PTDSS1: variants seen among roughly 807,000 people sequenced by gnomAD.
The protein encoded by PTDSS1 is phosphatidylserine synthase 1, also known as PSS-1.
PTDSS1 carries 45 observed loss-of-function variants against 70.5 expected under a neutral mutation model. The observed-to-expected ratio is 0.64, with a 90% CI of 0.50 to 0.82. PTDSS1 has a LOEUF of 0.82. PTDSS1 is among the 40% of genes least tolerant of loss of function. The pLI is 0.00. For missense variants in PTDSS1, 417 were observed against 586.1 expected (o/e 0.71, Z 2.98); for synonymous variants, 188 against 203.8 (o/e 0.92, Z 0.66).
chr8:96,279,172 G>T (rs1810696435), intron 2 of PTDSS1, among the ~76,000 whole-genome samples: 1 of 150,950 alleles, frequency 6.6e-6, no homozygotes, highest in Admixed American at 6.6e-5. Flanking sequence ...GTAGAGACAG[G>T]ATTTCACTAT....
At chr8:96,330,414 C>A in intron 11 of PTDSS1, 133 bp downstream of exon 11, 1 of 806,120 alleles carries the variant, frequency 1.2e-6, no homozygotes, top group East Asian at 2.7e-5. Flanking sequence ...CCTGCCACTG[C>A]AGAAACCGCA....
intron 2 of PTDSS1, among the ~76,000 whole-genome samples, chr8:96,276,851 A>G (rs1419593110): frequency 2.0e-5 from 3 of 152,066 alleles, no homozygotes; most frequent in African/African-American, 2.4e-5. Flanking sequence ...TCTGTTGCTC[A>G]TGTGTTGTCT....
intron 10 of PTDSS1, among the ~76,000 whole-genome samples, chr8:96,321,153 A>G (rs953267412): frequency 2.0e-5 from 3 of 152,224 alleles, no homozygotes; most frequent in African/African-American, 7.2e-5. Context: ...ATCATCGGTT[A>G]TCAACTCAGG....
At chr8:96,329,918 G>T (rs772425388) in intron 10 of PTDSS1, among the ~76,000 whole-genome samples, 2 of 152,162 alleles carry the variant, frequency 1.3e-5, no homozygotes, top group Admixed American at 6.5e-5. Context: ...AACAGAACCC[G>T]CAAAGCTATC....
At chr8:96,273,618 A>C (rs918506562) in intron 2 of PTDSS1, among the ~76,000 whole-genome samples, 1 of 152,252 alleles carries the variant, frequency 6.6e-6, no homozygotes, top group African/African-American at 2.4e-5. Flanking sequence ...TGGAGAGAGC[A>C]GACAGGTACG....
chr8:96,313,548 A>G (rs1811242113), intron 9 of PTDSS1, among the ~76,000 whole-genome samples: 1 of 152,230 alleles, frequency 6.6e-6, no homozygotes, highest in African/African-American at 2.4e-5. Context: ...GCAGTGTTTT[A>G]TCGCCTGGTC....
intron 4 of PTDSS1, among the ~76,000 whole-genome samples, chr8:96,290,206 G>A (rs1437332555): frequency 2.6e-5 from 4 of 152,278 alleles, no homozygotes; most frequent in South Asian, 2.1e-4. Flanking sequence ...AAAAATAAGT[G>A]CTTTGATGCT....
chr8:96,287,300 T>C (rs988738946), intron 4 of PTDSS1, 154 bp downstream of exon 4: 8 of 1,006,004 alleles, frequency 8.0e-6, no homozygotes, highest in African/African-American at 1.6e-5. Flanking sequence ...AGTTGCATGG[T>C]TGTCCACAGG....
intron 9 of PTDSS1, among the ~76,000 whole-genome samples, chr8:96,318,212 C>T (rs1811323184): frequency 6.6e-6 from 1 of 151,980 alleles, no homozygotes; most frequent in Admixed American, 6.6e-5. Flanking sequence ...GTAGTCCCAG[C>T]TACTCGGGAG....
At chr8:96,332,308 G>C (rs913596573) in intron 12 of PTDSS1, among the ~76,000 whole-genome samples, 1 of 152,174 alleles carries the variant, frequency 6.6e-6, no homozygotes, top group Non-Finnish European at 1.5e-5. Context: ...CTTGGCTGAA[G>C]AAAGAAAATT....
chr8:96,287,002 C>G lies in PTDSS1; in HGVS notation c.317-20C>G, dbSNP rs924289015. ...CTATTGGATCTCTTCTAAACTTCAGCATGTTTTTGTTTCTCTCAGGACTCA... is the reference window on the plus strand; with the variant it reads ...CTATTGGATCTCTTCTAAACTTCAGGATGTTTTTGTTTCTCTCAGGACTCA... On this transcript the variant is annotated intron_variant, in intron 3 of 12. Transcript: ENST00000517309. 6 of 1,613,412 alleles carry G rather than the reference C, an allele frequency of 3.7e-6. No homozygotes were observed. Among genetic ancestry groups the G allele is most frequent in the Non-Finnish European group, 5.1e-6 (6 of 1,179,582 alleles).
intron 1 of PTDSS1, among the ~76,000 whole-genome samples, chr8:96,269,342 C>A (rs1450920067): frequency 6.6e-6 from 1 of 152,210 alleles, no homozygotes; most frequent in Non-Finnish European, 1.5e-5. Flanking sequence ...AACTGTGGAA[C>A]TGTTAAATAA....
At position 96,334,027 on chromosome 8, in the gene PTDSS1, G is replaced by A; in HGVS notation, c.*461G>A. 2.3e-6 allele frequency: 1 copy of A among 434,320 alleles called. No individual in the cohort carries two copies. The highest frequency in any genetic ancestry group is 4.1e-6 in the Non-Finnish European group (1 of 245,878). 26.9% of individuals were successfully genotyped at this position (434,320 alleles called of 1,614,324 possible). ...TGATTTAAGTTCAGGCCACTTTTCT[G>A]TCTTTTATTTGGTTACTGTTGTTAT... On this transcript the variant is annotated 3_prime_UTR_variant, in exon 13 of 13. Transcript: ENST00000517309.
At chr8:96,326,717 A>G (rs767523141) in intron 10 of PTDSS1, among the ~76,000 whole-genome samples, 1 of 152,118 alleles carries the variant, frequency 6.6e-6, no homozygotes, top group Non-Finnish European at 1.5e-5. Context: ...TCAAGCGGGG[A>G]AACAATGTGG....
Position 96,305,837 on chromosome 8 carries a change from A to G in PTDSS1, c.895-607A>G, listed in dbSNP as rs1249222201. On this transcript the variant is annotated intron_variant, in intron 7 of 12. Transcript: ENST00000517309. Reference sequence around the variant, plus strand: ...TGAGTAGCTGGGATTACAGGCGCCCACCACCATGCCTGTTTGTATTTTTAG... The same window carrying G: ...TGAGTAGCTGGGATTACAGGCGCCCGCCACCATGCCTGTTTGTATTTTTAG... Among the ~76,000 whole-genome samples, 5 of 152,104 alleles carry G rather than the reference A, an allele frequency of 3.3e-5. No individual in the cohort carries two copies. The East Asian group carries it at 5.8e-4, about 18-fold the overall frequency.
In PTDSS1 at chr8:96,276,539, T is replaced by C. The variant is rs148827223; in HGVS notation, c.271+3149T>C. Reference sequence around the variant, plus strand: ...CTCATCTAGTTCAGCCAGCTCAGTTTACCAGTGAGAAGGCTGAAACGTGCC... The same window carrying C: ...CTCATCTAGTTCAGCCAGCTCAGTTCACCAGTGAGAAGGCTGAAACGTGCC... On this transcript the variant is annotated intron_variant, in intron 2 of 12. Coordinates refer to ENST00000517309, the MANE Select transcript of PTDSS1 (RefSeq NM_014754.3). Among the ~76,000 whole-genome samples, 104 of 152,322 alleles carry C rather than the reference T, an allele frequency of 6.8e-4. 1 individual carries two copies. The East Asian group carries it at 0.017, about 25-fold the overall frequency.
intron 4 of PTDSS1, among the ~76,000 whole-genome samples, chr8:96,289,245 A>G (rs1003407651): frequency 1.3e-5 from 2 of 152,172 alleles, no homozygotes; most frequent in Non-Finnish European, 2.9e-5. Flanking sequence ...TTTTAACTCA[A>G]TCTCCAGTCT....
chr8:96,280,120 C>G (rs1006148199), intron 2 of PTDSS1, among the ~76,000 whole-genome samples: 1 of 152,154 alleles, frequency 6.6e-6, no homozygotes, highest in South Asian at 2.1e-4. Context: ...AGGCAATGAT[C>G]TTATTTTCTA....
chr8:96,299,041 G>GA (rs1554584242), intron 5 of PTDSS1, among the ~76,000 whole-genome samples: 3,327 of 117,460 alleles, frequency 0.028, 109 homozygotes, highest in African/African-American at 0.086. Context: ...CTCTGTCTCA[G>GA]AAAAAAAAAA....
Sources: gnomAD v4.1 joint callset for allele counts (sites outside exome capture counted in the v4.1 genomes callset) on GRCh38, gnomAD v4.1.1 for gene constraint, MANE v1.5 for transcripts, NCBI Gene and HGNC (gene_info 2026-07-23, HGNC 2026-07-21) for gene names.